The following CNTLN variants were observed in gnomAD, a reference collection of about 807,000 sequenced individuals.
CNTLN encodes centlein.
A neutral mutation model predicts 180.0 loss-of-function variants in CNTLN; 212 were observed. The ratio of observed to expected loss-of-function variants is 1.18; its 90% CI spans 1.05 to 1.32. The LOEUF is 1.32. CNTLN is among the 40% of genes most tolerant of loss of function. The pLI is 0.00. For missense variants in CNTLN, 2,095 were observed against 1,610.9 expected (o/e 1.30, Z -5.14); for synonymous variants, 722 against 563.1 (o/e 1.28, Z -3.99).
intron 12 of CNTLN, among the ~76,000 whole-genome samples, chr9:17,347,370 C>T (rs1184336289): frequency 1.3e-5 from 2 of 152,148 alleles, no homozygotes; most frequent in African/African-American, 4.8e-5. Context: ...TTGAAAATAT[C>T]GTAGGTCAAA....
At chr9:17,217,031 T>C (rs1216518168) in intron 2 of CNTLN, among the ~76,000 whole-genome samples, 2 of 152,210 alleles carry the variant, frequency 1.3e-5, no homozygotes, top group Admixed American at 1.3e-4. Flanking sequence ...AGGTGTTTAA[T>C]TGGAACCACT....
chr9:17,299,738 A>G (rs1417138615), intron 7 of CNTLN: 1 of 982,942 alleles, frequency 1.0e-6, no homozygotes, highest in Non-Finnish European at 1.2e-6. Flanking sequence ...GAAACACTGT[A>G]CTTTATTAAT....
intron 8 of CNTLN, among the ~76,000 whole-genome samples, chr9:17,329,693 A>G (rs957525478): frequency 4.0e-5 from 6 of 151,846 alleles, no homozygotes; most frequent in Non-Finnish European, 8.8e-5. Context: ...GAAAAGGATG[A>G]TGTTTCCCAT....
intron 5 of CNTLN, among the ~76,000 whole-genome samples, chr9:17,239,696 T>C (rs1398577714): frequency 6.6e-6 from 1 of 152,202 alleles, no homozygotes; most frequent in Non-Finnish European, 1.5e-5. Flanking sequence ...TGTTATTTAG[T>C]TGTTTCAGCA....
intron 3 of CNTLN, among the ~76,000 whole-genome samples, chr9:17,229,271 A>G (rs555668406): frequency 9.9e-5 from 15 of 152,264 alleles, no homozygotes; most frequent in African/African-American, 3.4e-4. Context: ...AAAAGACATT[A>G]CATTTAGCAG....
Position 17,214,630 on chromosome 9 carries a change from G to C in CNTLN, c.450-11573G>C, listed in dbSNP as rs373352021. ...TCACTAGGTTGGGGAAGTTCTTCTG[G>C]ATAATATCCTGCAGAGTGTTTTCCA... On this transcript the variant is annotated intron_variant, in intron 2 of 25. Coordinates refer to ENST00000380647, the MANE Select transcript of CNTLN (RefSeq NM_017738.4). Among the ~76,000 whole-genome samples, 27 of 152,262 alleles carry C rather than the reference G, an allele frequency of 1.8e-4. No individual in the cohort carries two copies. In the South Asian group the frequency reaches 5.6e-3, roughly 32 times the overall value.
intron 2 of CNTLN, among the ~76,000 whole-genome samples, chr9:17,177,965 A>G (rs1480574660): frequency 1.3e-5 from 2 of 151,974 alleles, no homozygotes; most frequent in South Asian, 2.1e-4. Context: ...TGCATTTACA[A>G]TCCCTGAGCT....
At chr9:17,412,697 G>A (rs952515708) in intron 16 of CNTLN, among the ~76,000 whole-genome samples, 2 of 152,128 alleles carry the variant, frequency 1.3e-5, no homozygotes, top group Non-Finnish European at 2.9e-5. Context: ...ATGTTTGGTA[G>A]GTCAGATGTA....
At chr9:17,442,641 C>G (rs1411201717) in intron 18 of CNTLN, among the ~76,000 whole-genome samples, 1 of 152,178 alleles carries the variant, frequency 6.6e-6, no homozygotes, top group Non-Finnish European at 1.5e-5. Flanking sequence ...TCAAGTGATT[C>G]ACTCGCCTTG....
Position 17,354,562 on chromosome 9 carries a change from C to G in CNTLN, c.1887-12055C>G, listed in dbSNP as rs111260578. 2.9e-3 allele frequency among the ~76,000 whole-genome samples: 448 copies of G among 152,240 alleles called. 4 individuals are homozygous for G. Among genetic ancestry groups the G allele is most frequent in the African/African-American group, 0.01 (425 of 41,552 alleles). On this transcript the variant is annotated intron_variant, in intron 12 of 25. Transcript: ENST00000380647. ...GCACCAATCAACACTCTGTATCTAG[C>G]TGCTCTGGTGGGGCCTTGGAGAACC...
intron 13 of CNTLN, among the ~76,000 whole-genome samples, chr9:17,374,359 G>A (rs1390442813): frequency 6.6e-6 from 1 of 152,158 alleles, no homozygotes; most frequent in Non-Finnish European, 1.5e-5. Flanking sequence ...ATAGATATAT[G>A]AAAATGCTCA....
intron 14 of CNTLN, among the ~76,000 whole-genome samples, chr9:17,389,772 C>T (rs915840686): frequency 6.6e-6 from 1 of 151,898 alleles, no homozygotes; most frequent in Non-Finnish European, 1.5e-5. Context: ...AATATATTAA[C>T]ATTTCACATT....
At chr9:17,316,593 C>G (rs1035616687) in intron 8 of CNTLN, among the ~76,000 whole-genome samples, 1 of 151,940 alleles carries the variant, frequency 6.6e-6, no homozygotes, top group Non-Finnish European at 1.5e-5. Flanking sequence ...TGCTTTCACA[C>G]CATTGTAAAG....
intron 2 of CNTLN, among the ~76,000 whole-genome samples, chr9:17,207,371 G>T (rs1822997625): frequency 6.6e-6 from 1 of 152,062 alleles, no homozygotes. Flanking sequence ...GAACCGTTTT[G>T]TCTCACTGGG....
At chr9:17,272,938 C>G (rs2132509037) in intron 5 of CNTLN, among the ~76,000 whole-genome samples, 1 of 152,132 alleles carries the variant, frequency 6.6e-6, no homozygotes, top group South Asian at 2.1e-4. Flanking sequence ...CCTCTCCTTC[C>G]TCCATCTAGT....
chr9:17,260,585 A>T (rs1246500089), intron 5 of CNTLN, among the ~76,000 whole-genome samples: 1 of 151,276 alleles, frequency 6.6e-6, no homozygotes, highest in Non-Finnish European at 1.5e-5. Flanking sequence ...ACCCTGTTAG[A>T]TGCATAATTT....
intron 5 of CNTLN, among the ~76,000 whole-genome samples, chr9:17,239,131 C>T (rs976952011): frequency 1.4e-4 from 22 of 152,180 alleles, no homozygotes; most frequent in Middle Eastern, 3.4e-3. Flanking sequence ...TCTGCCTTCC[C>T]GGGTTCAAGC....
At chr9:17,182,085 G>A (rs1587038984) in intron 2 of CNTLN, among the ~76,000 whole-genome samples, 1 of 152,224 alleles carries the variant, frequency 6.6e-6, no homozygotes, top group East Asian at 1.9e-4. Flanking sequence ...AGGCTGGGGA[G>A]CCTCATTATA....
At chr9:17,199,368 C>G (rs1222263203) in intron 2 of CNTLN, among the ~76,000 whole-genome samples, 1 of 151,968 alleles carries the variant, frequency 6.6e-6, no homozygotes, top group Non-Finnish European at 1.5e-5. Context: ...TGTGCCACCA[C>G]ACCTGGCTAA....
Sources: allele counts gnomAD v4.1 joint callset (sites outside exome capture counted in the v4.1 genomes callset), GRCh38; gene constraint gnomAD v4.1.1; transcripts MANE v1.5; gene names NCBI Gene and HGNC (gene_info 2026-07-23, HGNC 2026-07-21).